FARS2: variants seen among roughly 807,000 people sequenced by gnomAD.
FARS2 encodes phenylalanyl-tRNA synthetase 2, mitochondrial, also known as phenylalanine--tRNA ligase, mitochondrial.
Under a neutral mutation model 46.4 loss-of-function variants are expected in FARS2, and 40 were observed. That is an observed-to-expected ratio of 0.86 (90% confidence interval 0.67 to 1.12). The LOEUF (loss-of-function observed/expected upper bound fraction) is 1.12, where lower values mean the gene tolerates loss of function less well. Among genes scored for constraint, FARS2 ranks in the 50% most tolerant of loss-of-function variants. The pLI is 0.00. For missense variants in FARS2, 513 were observed against 567.9 expected (o/e 0.90, Z 0.98); for synonymous variants, 234 against 214.9 (o/e 1.09, Z -0.78).
At chr6:5,553,048 CT>C (rs1371833988) in intron 5 of FARS2, among the ~76,000 whole-genome samples, 3 of 152,218 alleles carry the variant, frequency 2.0e-5, no homozygotes, top group Admixed American at 2.0e-4. Flanking sequence ...GTACATTTTA[CT>C]TACAGATTTT....
At chr6:5,617,978 A>G (rs1775561728) in intron 6 of FARS2, among the ~76,000 whole-genome samples, 1 of 152,236 alleles carries the variant, frequency 6.6e-6, no homozygotes, top group South Asian at 2.1e-4. Flanking sequence ...ATAAGTATCT[A>G]GGGCAAGGGC....
At chr6:5,355,054 A>G (rs1003631631) in intron 1 of FARS2, among the ~76,000 whole-genome samples, 1 of 152,158 alleles carries the variant, frequency 6.6e-6, no homozygotes, top group Non-Finnish European at 1.5e-5. Flanking sequence ...CCTGGGAAAC[A>G]TAACTTGTGT....
At chr6:5,314,055 T>C (rs567321207) in intron 1 of FARS2, among the ~76,000 whole-genome samples, 1 of 152,220 alleles carries the variant, frequency 6.6e-6, no homozygotes, top group East Asian at 1.9e-4. Flanking sequence ...ACTAAAGCAT[T>C]TGGATTTTAT....
At chr6:5,565,117 T>C (rs1017850837) in intron 5 of FARS2, among the ~76,000 whole-genome samples, 1 of 152,196 alleles carries the variant, frequency 6.6e-6, no homozygotes, top group African/African-American at 2.4e-5. Context: ...TTCCAAATTC[T>C]AGAGGAACCA....
chr6:5,606,589 C>T (rs1376705136), intron 5 of FARS2, among the ~76,000 whole-genome samples: 1 of 152,168 alleles, frequency 6.6e-6, no homozygotes, highest in African/African-American at 2.4e-5. Flanking sequence ...TTTTACCTCA[C>T]TTGCAGGTTA....
chr6:5,466,223 T>C (rs1432027641), intron 4 of FARS2, among the ~76,000 whole-genome samples: 1 of 152,212 alleles, frequency 6.6e-6, no homozygotes, highest in East Asian at 1.9e-4. Context: ...CTTGAAGATT[T>C]AATTTGCTTC....
At chr6:5,341,767 T>A (rs1005046041) in intron 1 of FARS2, among the ~76,000 whole-genome samples, 6 of 152,074 alleles carry the variant, frequency 3.9e-5, no homozygotes, top group African/African-American at 1.2e-4. Flanking sequence ...GATCCACCCA[T>A]CTTGGCCTCC....
intron 4 of FARS2, among the ~76,000 whole-genome samples, chr6:5,492,323 T>G (rs1767171689): frequency 6.6e-6 from 1 of 152,210 alleles, no homozygotes; most frequent in Non-Finnish European, 1.5e-5. Context: ...AAGTGAGATC[T>G]TTCTACAGCA....
chr6:5,256,534 T>C (rs1193923770), upstream of FARS2, among the ~76,000 whole-genome samples: 1 of 103,060 alleles, frequency 9.7e-6, no homozygotes, highest in African/African-American at 3.6e-5. Flanking sequence ...AAAAAAAGAA[T>C]GTGGTTCTTA....
intron 1 of FARS2, among the ~76,000 whole-genome samples, chr6:5,353,148 T>G (rs1757680612): frequency 6.6e-6 from 1 of 152,214 alleles, no homozygotes; most frequent in Non-Finnish European, 1.5e-5. Context: ...ATGAGTGAGA[T>G]CATGTGATTT....
intron 1 of FARS2, among the ~76,000 whole-genome samples, chr6:5,262,580 C>T (rs1454718661): frequency 6.6e-6 from 1 of 152,112 alleles, no homozygotes; most frequent in African/African-American, 2.4e-5. Flanking sequence ...CGCCCAGCCT[C>T]TATTTTCAGG....
At position 5,765,519 on chromosome 6, in the gene FARS2, G is replaced by A. The variant is rs1477081923; in HGVS notation, c.1218-5772G>A. 6.6e-6 allele frequency among the ~76,000 whole-genome samples: 1 copy of A among 152,172 alleles called. No homozygotes were observed. The highest frequency in any genetic ancestry group is 1.5e-5 in the Non-Finnish European group (1 of 68,026). On this transcript the variant is annotated intron_variant, in intron 6 of 6. Transcript: ENST00000274680. The surrounding 1 kb of genome is among the most constrained non-coding windows in gnomAD (Gnocchi z 4.0). ...CCTCTCAAGAGGTAAGCTCCTAGCAGGCAGGATAACCTGAAGCCCTCTGGT... is the reference window on the plus strand; with the variant it reads ...CCTCTCAAGAGGTAAGCTCCTAGCAAGCAGGATAACCTGAAGCCCTCTGGT...
At chr6:5,575,315 A>G (rs574859291) in intron 5 of FARS2, among the ~76,000 whole-genome samples, 70 of 152,280 alleles carry the variant, frequency 4.6e-4, no homozygotes, top group African/African-American at 1.7e-3. Context: ...TCACTCCTCC[A>G]TGGAGCATGG....
intron 6 of FARS2, among the ~76,000 whole-genome samples, chr6:5,719,922 ACTCT>A (rs979012256): frequency 2.0e-5 from 3 of 152,080 alleles, no homozygotes; most frequent in Non-Finnish European, 2.9e-5. Context: ...CCTGTTGTGG[ACTCT>A]CTATTATACC....
chr6:5,430,079 A>G (rs1383861709), intron 3 of FARS2, among the ~76,000 whole-genome samples: 5 of 152,186 alleles, frequency 3.3e-5, no homozygotes, highest in Non-Finnish European at 7.3e-5. Flanking sequence ...GGGTGAGAAC[A>G]TATGGTATTT....
chr6:5,643,217 G>A (rs1261209096), intron 6 of FARS2, among the ~76,000 whole-genome samples: 2 of 152,232 alleles, frequency 1.3e-5, no homozygotes, highest in African/African-American at 4.8e-5. Context: ...GTACGTGGGT[G>A]AGGCAAAGAA....
At position 5,288,247 on chromosome 6, in the gene FARS2, G is replaced by A. The variant is rs1767262328; in HGVS notation, c.-22+26587G>A. 3.3e-5 allele frequency among the ~76,000 whole-genome samples: 5 copies of A among 152,286 alleles called. No individual in the cohort carries two copies. In the South Asian group the frequency reaches 1.0e-3, roughly 32 times the overall value. On this transcript the variant is annotated intron_variant, in intron 1 of 6. Coordinates refer to ENST00000274680, the MANE Select transcript of FARS2 (RefSeq NM_006567.5). ...GATCTTGCTGTCTACTTCTTTTGAT[G>A]TTTGTAGTCAATAGCTTGAAGTGAC...
At chr6:5,609,878 AT>A (rs1775073962) in intron 5 of FARS2, 12 of 997,162 alleles carry the variant, frequency 1.2e-5, no homozygotes, top group Non-Finnish European at 1.9e-5. Context: ...CCACCAACAA[AT>A]GCCTTTTTCA....
upstream of FARS2, among the ~76,000 whole-genome samples, chr6:5,256,758 A>G (rs939582345): frequency 3.3e-5 from 5 of 152,062 alleles, no homozygotes; most frequent in Non-Finnish European, 4.4e-5. Context: ...ATTTACACCC[A>G]AGATACCCTA....
Sources: allele counts gnomAD v4.1 joint callset (sites outside exome capture counted in the v4.1 genomes callset), GRCh38; gene constraint gnomAD v4.1.1; non-coding constraint Gnocchi (gnomAD v3.1); transcripts MANE v1.5; gene names NCBI Gene and HGNC (gene_info 2026-07-23, HGNC 2026-07-21).